The following GABRB3 variants were observed in gnomAD, a reference collection of about 807,000 sequenced individuals.
GABRB3 encodes the protein gamma-aminobutyric acid type A receptor subunit beta3.
GABRB3 carries 14 observed loss-of-function variants against 52.1 expected under a neutral mutation model. That is an observed-to-expected ratio of 0.27 (90% CI 0.18 to 0.42). The LOEUF is 0.42. Among genes scored for constraint, GABRB3 ranks in the 10% least tolerant of loss-of-function variants. The pLI is 1.00. For synonymous variants in GABRB3, 260 were observed against 232.3 expected (o/e 1.12, Z -1.08); for missense variants, 307 against 609.1 (o/e 0.50, Z 5.22).
intron 6 of GABRB3, among the ~76,000 whole-genome samples, chr15:26,571,663 T>C (rs1890403914): frequency 6.6e-6 from 1 of 152,058 alleles, no homozygotes; most frequent in African/African-American, 2.4e-5. Flanking sequence ...AAGAAGAGAA[T>C]ACGAAACTGA....
chr15:26,598,983 A>G (rs886543810), intron 4 of GABRB3, among the ~76,000 whole-genome samples: 1 of 152,214 alleles, frequency 6.6e-6, no homozygotes, highest in African/African-American at 2.4e-5. Context: ...GGCCTACCCA[A>G]TGACACTGCC....
At chr15:26,569,429 T>C (rs1890310572) in intron 6 of GABRB3, 1 of 152,260 alleles carries the variant, frequency 6.6e-6, no homozygotes, top group South Asian at 2.1e-4. Flanking sequence ...CATAGCATAA[T>C]AATTTTTAGA....
At chr15:26,637,213 C>T (rs1893084939) in intron 3 of GABRB3, among the ~76,000 whole-genome samples, 1 of 152,144 alleles carries the variant, frequency 6.6e-6, no homozygotes, top group African/African-American at 2.4e-5. Flanking sequence ...GGCATCCTTC[C>T]ACTTTGCATT....
chr15:26,579,227 G>A (rs1396758143), intron 6 of GABRB3, among the ~76,000 whole-genome samples: 4 of 152,200 alleles, frequency 2.6e-5, no homozygotes, highest in South Asian at 2.1e-4. Context: ...CATGACTGAC[G>A]CAGGTCCCTC....
chr15:26,554,039 A>T (rs1366532716), intron 8 of GABRB3, among the ~76,000 whole-genome samples: 67 of 40,916 alleles, frequency 1.6e-3, no homozygotes, highest in African/African-American at 6.0e-3. Flanking sequence ...ATATATATTT[A>T]TTTATTTATA....
intron 3 of GABRB3, among the ~76,000 whole-genome samples, chr15:26,743,400 T>C (rs962753579): frequency 4.6e-5 from 7 of 152,170 alleles, no homozygotes; most frequent in African/African-American, 1.7e-4. Context: ...CTTGGAGCAA[T>C]TTACTTAGTC....
chr15:26,616,052 C>G, intron 4 of GABRB3: 1 of 1,289,178 alleles, frequency 7.8e-7, no homozygotes, highest in Non-Finnish European at 1.0e-6. Flanking sequence ...CAGGCCAGGG[C>G]CATAGTACCT....
chr15:26,648,002 A>C (rs542487251), intron 3 of GABRB3, among the ~76,000 whole-genome samples: 1 of 152,310 alleles, frequency 6.6e-6, no homozygotes, highest in East Asian at 1.9e-4. Flanking sequence ...ACATCTAACA[A>C]GATTTACCAG....
intron 4 of GABRB3, among the ~76,000 whole-genome samples, chr15:26,603,869 T>A (rs1891673927): frequency 6.6e-6 from 1 of 152,076 alleles, no homozygotes; most frequent in Non-Finnish European, 1.5e-5. Flanking sequence ...TGGAACATGA[T>A]AAGGAATCTC....
At position 26,728,715 on chromosome 15, in the gene GABRB3, G is replaced by C. The variant is rs76358182; in HGVS notation, c.240+43687C>G. On this transcript the variant is annotated intron_variant, in intron 3 of 8. Coordinates refer to ENST00000311550, the MANE Select transcript of GABRB3 (RefSeq NM_000814.6). ...ATCTTTCATGACGTATTTGCTCTAG[G>C]ACTTTCCTCAGACTTTCAAACTCAA... 4.2e-3 allele frequency among the ~76,000 whole-genome samples: 632 copies of C among 152,208 alleles called. 23 individuals are homozygous for C. In the East Asian group the frequency reaches 0.088, roughly 21 times the overall value.
intron 3 of GABRB3, among the ~76,000 whole-genome samples, chr15:26,767,907 G>A (rs1193831767): frequency 6.6e-6 from 1 of 152,134 alleles, no homozygotes; most frequent in African/African-American, 2.4e-5. Context: ...GTGTGTGTGT[G>A]ATTTTTGTAC....
chr15:26,625,459 G>A, intron 3 of GABRB3: 1 of 985,054 alleles, frequency 1.0e-6, no homozygotes, highest in Non-Finnish European at 1.2e-6. Context: ...ATGAACCAAA[G>A]AGAAGAGCAC....
intron 3 of GABRB3, among the ~76,000 whole-genome samples, chr15:26,654,330 T>G (rs1003581343): frequency 1.3e-5 from 2 of 152,138 alleles, no homozygotes; most frequent in Admixed American, 1.3e-4. Context: ...TATTTTTTAG[T>G]AGAGACAGGG....
rs1031579791 is a variant in GABRB3, at chr15:26,618,202, C to T, written c.461+3112G>A. Among the ~76,000 whole-genome samples, 39 of 151,724 alleles carry T rather than the reference C, an allele frequency of 2.6e-4. 1 individual carries two copies. Among genetic ancestry groups the T allele is most frequent in the African/African-American group, 6.3e-4 (26 of 41,326 alleles). On this transcript the variant is annotated intron_variant, in intron 4 of 8. Transcript: ENST00000311550. ...TACGGAACCAAAAAAGAGCCCACAT[C>T]GCCAAGTCAATCCTAAGCCAAAAGA...
At chr15:26,718,439 C>A (rs1486893810) in intron 3 of GABRB3, among the ~76,000 whole-genome samples, 1 of 152,110 alleles carries the variant, frequency 6.6e-6, no homozygotes, top group Non-Finnish European at 1.5e-5. Context: ...GAACTCCCGA[C>A]CTCAGGTGAT....
At chr15:26,554,738 C>A (rs1889689919) in intron 8 of GABRB3, among the ~76,000 whole-genome samples, 1 of 152,180 alleles carries the variant, frequency 6.6e-6, no homozygotes, top group Non-Finnish European at 1.5e-5. Flanking sequence ...GGAGGCAAAG[C>A]TTGCTGGGCA....
intron 4 of GABRB3, among the ~76,000 whole-genome samples, chr15:26,604,568 C>T (rs930105167): frequency 1.1e-4 from 17 of 152,102 alleles, no homozygotes; most frequent in Admixed American, 9.2e-4. Flanking sequence ...TAAAAACAGA[C>T]ATACAGACCA....
chr15:26,602,502 T>C (rs1161164911), intron 4 of GABRB3, among the ~76,000 whole-genome samples: 1 of 152,118 alleles, frequency 6.6e-6, no homozygotes, highest in Non-Finnish European at 1.5e-5. Flanking sequence ...GGATAGATCA[T>C]ATGTTAGGGT....
At chr15:26,591,542 A>G (rs1891203448) in intron 4 of GABRB3, among the ~76,000 whole-genome samples, 1 of 152,186 alleles carries the variant, frequency 6.6e-6, no homozygotes, top group African/African-American at 2.4e-5. Context: ...CAAAGCCGCA[A>G]ACTGGCAATA....
Sources: gnomAD v4.1 joint callset for allele counts (sites outside exome capture counted in the v4.1 genomes callset) on GRCh38, gnomAD v4.1.1 for gene constraint, MANE v1.5 for transcripts, NCBI Gene and HGNC (gene_info 2026-07-23, HGNC 2026-07-21) for gene names.